Variants in SLC14A2 observed in about 807,000 individuals in gnomAD.
SLC14A2 encodes urea transporter 2.
A neutral mutation model predicts 104.6 loss-of-function variants in SLC14A2; 91 were observed. The ratio of observed to expected loss-of-function variants is 0.87; its 90% confidence interval spans 0.73 to 1.04. The LOEUF (loss-of-function observed/expected upper bound fraction) is 1.04, where lower values mean the gene tolerates loss of function less well. SLC14A2 is among the 50% of genes least tolerant of loss of function. The pLI, the probability that SLC14A2 is intolerant of heterozygous loss-of-function variation, is 0.00. For synonymous variants in SLC14A2, 476 were observed against 466.4 expected, an observed-to-expected ratio of 1.02 and a Z score of -0.27; for missense variants, 1,189 against 1,156.0, an observed-to-expected ratio of 1.03 and a Z score of -0.41.
At chr18:45,505,147 A>T (rs1237719868) in intron 2 of SLC14A2, among the ~76,000 whole-genome samples, 1 of 152,200 alleles carries the variant, frequency 6.6e-6, no homozygotes, top group Non-Finnish European at 1.5e-5. Context: ...GGAAAGAAAC[A>T]ATTTTATGAG....
intron 2 of SLC14A2, among the ~76,000 whole-genome samples, chr18:45,570,763 A>C (rs1208691229): frequency 1.3e-5 from 2 of 152,220 alleles, no homozygotes; most frequent in Non-Finnish European, 2.9e-5. Context: ...AGACAAGGAG[A>C]GTGTTTAGAA....
At chr18:45,478,616 C>T (rs2087430906) in intron 1 of SLC14A2, among the ~76,000 whole-genome samples, 1 of 152,146 alleles carries the variant, frequency 6.6e-6, no homozygotes, top group Admixed American at 6.5e-5. Context: ...CTGAGATAAG[C>T]TCTTTCTTAA....
chr18:45,669,471 C>T lies in SLC14A2; in HGVS notation c.2202C>T (p.Ile734=). Residue 734 remains isoleucine (I), a synonymous_variant, in exon 16 of 20, where the codon ATC becomes ATT. Transcript: ENST00000255226. The part of the protein sequence containing the change: ...LLQPASAMPN[I]TWSEVQVPLL... The stretch of plus-strand genomic sequence containing the variant: ...AGCCTGCATCCGCCATGCCCAACAT[C>T]ACCTGGTCAGAGGTCCAAGTGCCCT... 1 of 1,613,930 alleles carries T rather than the reference C, an allele frequency of 6.2e-7. No homozygotes were observed. Among genetic ancestry groups the T allele is most frequent in the Non-Finnish European group, 8.5e-7 (1 of 1,179,832 alleles).
intron 1 of SLC14A2, among the ~76,000 whole-genome samples, chr18:45,324,758 C>CT (rs59843072): frequency 0.033 from 4,964 of 152,052 alleles, 118 homozygotes; most frequent in African/African-American, 0.062. Flanking sequence ...CACCGCCCCC[C>CT]ACCCCCGCAC....
intron 19 of SLC14A2, among the ~76,000 whole-genome samples, chr18:45,680,391 T>C (rs1422571626): frequency 1.3e-5 from 2 of 152,154 alleles, no homozygotes; most frequent in Non-Finnish European, 2.9e-5. Flanking sequence ...CAAGTTTACC[T>C]AGTTTGCCTA....
intron 4 of SLC14A2, among the ~76,000 whole-genome samples, chr18:45,628,461 A>C: frequency 6.7e-6 from 1 of 150,268 alleles, no homozygotes. Context: ...AAAAAAAAAG[A>C]AAGAAAGAAA....
chr18:45,497,883 G>T lies in SLC14A2; in HGVS notation c.-35+14561G>T, dbSNP rs192701467. On this transcript the variant is annotated intron_variant, in intron 2 of 20. Coordinates refer to the SLC14A2 transcript ENST00000586448. ...GAAGCTGTCCGTGCAATCTGATTCT[G>T]CCTATGAATGCCTTCTGAATACCTT... 3.4e-3 allele frequency among the ~76,000 whole-genome samples: 519 copies of T among 152,314 alleles called. 1 individual carries two copies. The highest frequency in any genetic ancestry group is 5.8e-3 in the Non-Finnish European group (397 of 68,022).
Position 45,346,340 on chromosome 18 carries a change from A to G in SLC14A2, c.-125+133149A>G, listed in dbSNP as rs111295237. On this transcript the variant is annotated intron_variant, in intron 1 of 20. Coordinates refer to the SLC14A2 transcript ENST00000586448. ...CTGGCTAATTTTTGGTATTTTTAGT[A>G]GAGACAGGGTTTTGCCATGTTGGCC... Among the ~76,000 whole-genome samples the G allele has an allele frequency of 9.0e-3, 1,375 of 152,254 alleles. 25 individuals are homozygous for G. Among genetic ancestry groups the G allele is most frequent in the African/African-American group, 0.031 (1,274 of 41,562 alleles).
intron 1 of SLC14A2, among the ~76,000 whole-genome samples, chr18:45,226,479 C>T (rs1046888130): frequency 2.0e-5 from 3 of 152,038 alleles, no homozygotes; most frequent in Non-Finnish European, 4.4e-5. Context: ...CCATGGAATA[C>T]TATGCAGCCA....
Position 45,641,345 on chromosome 18 carries a change from T to C in SLC14A2, c.1126+2T>C. 1 of 1,614,210 alleles carries C rather than the reference T, an allele frequency of 6.2e-7. No homozygotes were observed. The highest frequency in any genetic ancestry group is 8.5e-7 in the Non-Finnish European group (1 of 1,180,022). ...CTCACCTGCTGGCCCTCATCTGTGG[T>C]AGGTGTTCAGAAAAGCTGACAACCA... On this transcript the variant is annotated splice_donor_variant, in intron 8 of 19. Transcript: ENST00000255226. LOFTEE classifies it high-confidence loss of function.
chr18:45,461,979 C>T (rs1690845337), intron 1 of SLC14A2, among the ~76,000 whole-genome samples: 1 of 152,058 alleles, frequency 6.6e-6, no homozygotes, highest in African/African-American at 2.4e-5. Flanking sequence ...GAGGGTGGAG[C>T]AGAAAGCGTA....
At chr18:45,509,660 A>G (rs572339881) in intron 2 of SLC14A2, among the ~76,000 whole-genome samples, 1 of 152,352 alleles carries the variant, frequency 6.6e-6, no homozygotes, top group African/African-American at 2.4e-5. Context: ...GGTGTCGGCA[A>G]TCTGCCACTC....
At chr18:45,526,707 A>G (rs183337758) in intron 2 of SLC14A2, among the ~76,000 whole-genome samples, 1 of 152,258 alleles carries the variant, frequency 6.6e-6, no homozygotes, top group East Asian at 1.9e-4. Context: ...TAGCTGGAAC[A>G]GAAAGTTCGT....
chr18:45,195,375 C>A, the SLC14A2 span, among the ~76,000 whole-genome samples: 1 of 151,852 alleles, frequency 6.6e-6, no homozygotes, highest in Non-Finnish European at 1.5e-5. Flanking sequence ...AAGCAGATAC[C>A]AAATGATTGG....
chr18:45,642,235 A>G (rs887498625), intron 8 of SLC14A2, among the ~76,000 whole-genome samples: 1 of 152,194 alleles, frequency 6.6e-6, no homozygotes, highest in Non-Finnish European at 1.5e-5. Flanking sequence ...TTTCCCACTT[A>G]TGCTTGGAGA....
chr18:45,516,800 T>C (rs1165050097), intron 2 of SLC14A2, among the ~76,000 whole-genome samples: 1 of 152,186 alleles, frequency 6.6e-6, no homozygotes, highest in Non-Finnish European at 1.5e-5. Context: ...TCCAAGGAGC[T>C]CACTCAGCTT....
At chr18:45,489,377 G>A (rs1000819009) in intron 2 of SLC14A2, among the ~76,000 whole-genome samples, 3 of 152,080 alleles carry the variant, frequency 2.0e-5, no homozygotes, top group Non-Finnish European at 4.4e-5. Context: ...TAGGTGTGGT[G>A]GTGTGCTCCT....
intron 1 of SLC14A2, among the ~76,000 whole-genome samples, chr18:45,284,788 C>A (rs530409588): frequency 6.6e-6 from 1 of 152,160 alleles, no homozygotes; most frequent in South Asian, 2.1e-4. Context: ...GAAAGAATCT[C>A]AAAGCTGAGT....
At chr18:45,584,727 C>T (rs1456905702) in intron 2 of SLC14A2, among the ~76,000 whole-genome samples, 1 of 152,162 alleles carries the variant, frequency 6.6e-6, no homozygotes, top group Admixed American at 6.5e-5. Flanking sequence ...AGCTCTAGCT[C>T]TGTGTGAGCT....
Sources: gnomAD v4.1 joint callset for allele counts (sites outside exome capture counted in the v4.1 genomes callset) on GRCh38, gnomAD v4.1.1 for gene constraint, MANE v1.5 for transcripts, NCBI Gene and HGNC (gene_info 2026-07-23, HGNC 2026-07-21) for gene names.